The following KCNIP4 variants were observed in gnomAD, a reference collection of about 807,000 sequenced individuals.
The protein encoded by KCNIP4 is Kv channel-interacting protein 4.
Under a neutral mutation model 34.0 loss-of-function variants are expected in KCNIP4, and 12 were observed. That is an observed-to-expected ratio of 0.35 (90% confidence interval 0.23 to 0.57). The LOEUF is 0.57. KCNIP4 is among the 20% of genes least tolerant of loss of function. The probability of loss-of-function intolerance (pLI) is 0.83; values close to 1 mark genes in which losing one functional copy is unlikely to be tolerated. For synonymous variants in KCNIP4, 124 were observed against 102.2 expected, an observed-to-expected ratio of 1.21 and a Z score of -1.29; for missense variants, 238 against 311.7, an observed-to-expected ratio of 0.76 and a Z score of 1.78.
chr4:21,907,966 G>C (rs1728091880), intron 1 of KCNIP4, among the ~76,000 whole-genome samples: 2 of 152,136 alleles, frequency 1.3e-5, no homozygotes, highest in African/African-American at 2.4e-5. Flanking sequence ...TGGATTCACT[G>C]TGTGGGACTT....
chr4:21,108,477 GTTAT>G (rs1239886058), intron 1 of KCNIP4, among the ~76,000 whole-genome samples: 2 of 151,562 alleles, frequency 1.3e-5, no homozygotes, highest in African/African-American at 2.4e-5. Flanking sequence ...CTGTGTATTG[GTTAT>G]TCTAGTTATA....
chr4:20,733,030 A>C (rs1748716093), intron 6 of KCNIP4, among the ~76,000 whole-genome samples: 1 of 152,206 alleles, frequency 6.6e-6, no homozygotes, highest in Non-Finnish European at 1.5e-5. Context: ...GCAAATTTCC[A>C]TGTATCTACC....
At chr4:20,792,182 T>TG (rs1712841827) in intron 3 of KCNIP4, among the ~76,000 whole-genome samples, 1 of 152,134 alleles carries the variant, frequency 6.6e-6, no homozygotes, top group Admixed American at 6.6e-5. Flanking sequence ...GAGACCAGCC[T>TG]GGCCAACATG....
chr4:21,134,636 C>T (rs910872995), intron 1 of KCNIP4, among the ~76,000 whole-genome samples: 30 of 152,158 alleles, frequency 2.0e-4, no homozygotes, highest in Non-Finnish European at 1.8e-4. Context: ...ATTCTTTCTT[C>T]TCTTGGCTTC....
chr4:21,384,689 G>T (rs1721855798), intron 1 of KCNIP4, among the ~76,000 whole-genome samples: 2 of 152,198 alleles, frequency 1.3e-5, no homozygotes, highest in African/African-American at 4.8e-5. Flanking sequence ...TTGCCCCAGA[G>T]AATTTGCCAA....
At chr4:21,888,177 T>C (rs1433635491) in intron 1 of KCNIP4, among the ~76,000 whole-genome samples, 1 of 152,168 alleles carries the variant, frequency 6.6e-6, no homozygotes, top group African/African-American at 2.4e-5. Flanking sequence ...TGGGATTCAA[T>C]CTTTGCTCTT....
intron 1 of KCNIP4, among the ~76,000 whole-genome samples, chr4:21,048,055 G>C (rs929293506): frequency 1.7e-4 from 26 of 152,130 alleles, no homozygotes; most frequent in African/African-American, 6.3e-4. Flanking sequence ...TGACCAAGCT[G>C]TCTACAACTG....
At chr4:21,491,803 G>A (rs1369120490) in intron 1 of KCNIP4, among the ~76,000 whole-genome samples, 1 of 151,252 alleles carries the variant, frequency 6.6e-6, no homozygotes, top group Non-Finnish European at 1.5e-5. Flanking sequence ...ATTTTCTATA[G>A]GTTTGGGTGC....
chr4:21,055,190 AG>A (rs1743297070), intron 1 of KCNIP4, among the ~76,000 whole-genome samples: 1 of 151,948 alleles, frequency 6.6e-6, no homozygotes, highest in East Asian at 1.9e-4. Flanking sequence ...ATGTAATTAC[AG>A]GAGTATAAAT....
In KCNIP4 at chr4:20,729,889, A is replaced by ATTATGAAAAGGATGCAAAT; in HGVS notation, c.*174_*192dup. On this transcript the variant is annotated 3_prime_UTR_variant, in exon 9 of 9. Coordinates refer to ENST00000382152, the MANE Select transcript of KCNIP4 (RefSeq NM_025221.6). ...TAGACCATCCCCTGAACTCAGTGGC[A>ATTATGAAAAGGATGCAAAT]TTATGAAAAGGATGCAAATTTATAA... The ATTATGAAAAGGATGCAAAT allele has an allele frequency of 1.9e-6, 1 of 518,206 alleles. No homozygotes were observed. The highest frequency in any genetic ancestry group is 3.2e-6 in the Non-Finnish European group (1 of 308,238). The allele number at this position is 518,206 out of a possible 1,614,324, so 32.1% of individuals were successfully genotyped here.
At chr4:20,992,890 C>G (rs377647792) in intron 1 of KCNIP4, among the ~76,000 whole-genome samples, 2 of 151,526 alleles carry the variant, frequency 1.3e-5, no homozygotes, top group Non-Finnish European at 2.9e-5. Context: ...CAGCCGGGCG[C>G]GGCGGTGGGC....
intron 1 of KCNIP4, among the ~76,000 whole-genome samples, chr4:21,583,228 T>G (rs1475266976): frequency 6.6e-6 from 1 of 152,012 alleles, no homozygotes; most frequent in African/African-American, 2.4e-5. Flanking sequence ...TACACAGAGT[T>G]GAGAGCCAAG....
chr4:21,537,498 C>A (rs1318090106), intron 1 of KCNIP4, among the ~76,000 whole-genome samples: 2 of 152,068 alleles, frequency 1.3e-5, no homozygotes, highest in Non-Finnish European at 2.9e-5. Context: ...TAGCCCTTGG[C>A]ACATTGCGGA....
chr4:21,832,589 T>A (rs1423119955), intron 1 of KCNIP4, among the ~76,000 whole-genome samples: 1 of 104,042 alleles, frequency 9.6e-6, no homozygotes, highest in Non-Finnish European at 2.0e-5. Context: ...TTTTTATTTT[T>A]TTTTTTATTA....
At chr4:21,042,590 T>C (rs1220108462) in intron 1 of KCNIP4, among the ~76,000 whole-genome samples, 1 of 152,110 alleles carries the variant, frequency 6.6e-6, no homozygotes, top group Non-Finnish European at 1.5e-5. Flanking sequence ...TACAATTTGA[T>C]AGGAGCAATA....
intron 1 of KCNIP4, among the ~76,000 whole-genome samples, chr4:21,652,045 C>A (rs150635149): frequency 6.6e-6 from 1 of 152,104 alleles, no homozygotes; most frequent in African/African-American, 2.4e-5. Flanking sequence ...ACCGACATTG[C>A]GAAGTTCCAA....
chr4:21,663,953 C>CT (rs1029998507), intron 1 of KCNIP4, among the ~76,000 whole-genome samples: 151 of 151,432 alleles, frequency 1.0e-3, no homozygotes, highest in East Asian at 7.8e-3. Context: ...TGTTTTGTTT[C>CT]TTTTTTTTTG....
At chr4:21,499,109 G>A (rs1247197732) in intron 1 of KCNIP4, among the ~76,000 whole-genome samples, 2 of 152,084 alleles carry the variant, frequency 1.3e-5, no homozygotes, top group Non-Finnish European at 2.9e-5. Flanking sequence ...GAGGTGGGCA[G>A]ATCACGAGGT....
At chr4:21,450,981 G>C (rs899340413) in intron 1 of KCNIP4, among the ~76,000 whole-genome samples, 3 of 152,098 alleles carry the variant, frequency 2.0e-5, no homozygotes, top group Non-Finnish European at 1.5e-5. Flanking sequence ...TAGATATTCT[G>C]CTTACAGATA....
Sources: allele counts gnomAD v4.1 joint callset (sites outside exome capture counted in the v4.1 genomes callset), GRCh38; gene constraint gnomAD v4.1.1; transcripts MANE v1.5; gene names NCBI Gene and HGNC (gene_info 2026-07-23, HGNC 2026-07-21).